The following EDAR variants were observed in gnomAD, a reference collection of about 807,000 sequenced individuals.
EDAR encodes the protein ectodysplasin A receptor.
Under a neutral mutation model 51.3 loss-of-function variants are expected in EDAR, and 38 were observed. The observed-to-expected ratio is 0.74, with a 90% CI of 0.57 to 0.97. EDAR has a LOEUF of 0.97. Among genes scored for constraint, EDAR ranks in the 50% least tolerant of loss-of-function variants. The pLI is 0.00. For missense variants in EDAR, 528 were observed against 595.0 expected (o/e 0.89, Z 1.17); for synonymous variants, 227 against 242.1 (o/e 0.94, Z 0.58).
intron 1 of EDAR, among the ~76,000 whole-genome samples, chr2:108,961,449 C>G (rs1019843659): frequency 2.0e-5 from 3 of 152,186 alleles, no homozygotes; most frequent in Non-Finnish European, 2.9e-5. Context: ...GGACCAGCCA[C>G]CCTCCTTGGC....
At chr2:108,982,905 G>A (rs542876593) in intron 1 of EDAR, among the ~76,000 whole-genome samples, 1 of 152,342 alleles carries the variant, frequency 6.6e-6, no homozygotes, top group Admixed American at 6.5e-5. Flanking sequence ...GACAGGCCAG[G>A]TGCCTGCTGC....
At chr2:108,962,543 C>T (rs966495723) in intron 1 of EDAR, among the ~76,000 whole-genome samples, 23 of 151,814 alleles carry the variant, frequency 1.5e-4, no homozygotes, top group Admixed American at 4.6e-4. Context: ...GGCGTGGTGG[C>T]GGGCGCCTGT....
At chr2:108,916,725 G>T (rs1297163523) in intron 5 of EDAR, among the ~76,000 whole-genome samples, 4 of 152,140 alleles carry the variant, frequency 2.6e-5, no homozygotes, top group Non-Finnish European at 5.9e-5. Flanking sequence ...GGGCAAGATG[G>T]GTGGGATGGT....
intron 1 of EDAR, among the ~76,000 whole-genome samples, chr2:108,941,610 A>G (rs1697598179): frequency 6.6e-6 from 1 of 152,210 alleles, no homozygotes; most frequent in Non-Finnish European, 1.5e-5. Context: ...GAAGGAGAAG[A>G]AAAACGATCT....
chr2:108,972,313 G>A (rs549098369), intron 1 of EDAR, among the ~76,000 whole-genome samples: 31 of 152,348 alleles, frequency 2.0e-4, no homozygotes, highest in African/African-American at 6.5e-4. Flanking sequence ...CCCAGTTCTC[G>A]ACAAGCTTAG....
In EDAR at chr2:108,938,699, G is replaced by A. The variant is rs1697524739; in HGVS notation, c.-18-7667C>T. Among the ~76,000 whole-genome samples the A allele has an allele frequency of 2.0e-5, 3 of 152,072 alleles. No individual in the cohort carries two copies. The South Asian group carries it at 6.2e-4, about 32-fold the overall frequency. ...CTTTTTTGCCTTATCAAAATTGAGG[G>A]AAAGCATTTTCAGGGTGAAATCAGA... is the stretch of plus-strand genomic sequence containing the variant. On this transcript the variant is annotated intron_variant, in intron 1 of 11. Transcript: ENST00000258443.
chr2:108,983,861 G>C (rs72939929), intron 1 of EDAR, among the ~76,000 whole-genome samples: 3,176 of 152,268 alleles, frequency 0.021, 105 homozygotes, highest in East Asian at 0.093. Flanking sequence ...CCATCAGAGA[G>C]CCACTGCGTC....
chr2:108,929,096 C>T, intron 4 of EDAR, 102 bp downstream of exon 4: 1 of 1,353,508 alleles, frequency 7.4e-7, no homozygotes, highest in Non-Finnish European at 1.0e-6. Flanking sequence ...TGCACCGAGG[C>T]CTGCAGTATC....
chr2:108,919,001 G>A (rs1697079176), intron 5 of EDAR, among the ~76,000 whole-genome samples: 1 of 152,168 alleles, frequency 6.6e-6, no homozygotes. Context: ...CTGGGAACCT[G>A]CTAGAAATGC....
rs1002519650 is a variant in EDAR at position 108,912,877 on chromosome 2, T to C, written c.443-113A>G. 1.3e-4 allele frequency: 106 copies of C among 831,634 alleles called. No homozygotes were observed. In the East Asian group the frequency reaches 2.7e-3, roughly 21 times the overall value. The allele number at this position is 831,634 out of a possible 1,614,324, so 51.5% of individuals were successfully genotyped here. On this transcript the variant is annotated intron_variant, in intron 5 of 11. Transcript: ENST00000258443. ...ATCATGAATGGGCCTGAGGCAGTGATGGCTGAGGGGAGCTAAATATTTGTA... is the reference window on the plus strand; with the variant it reads ...ATCATGAATGGGCCTGAGGCAGTGACGGCTGAGGGGAGCTAAATATTTGTA...
intron 9 of EDAR, among the ~76,000 whole-genome samples, chr2:108,908,697 A>T (rs1190592471): frequency 6.6e-6 from 1 of 152,050 alleles, no homozygotes; most frequent in Non-Finnish European, 1.5e-5. Flanking sequence ...TGGAGCTTAA[A>T]CTCTCTTAAA....
chr2:108,913,982 C>T (rs1383112331), intron 5 of EDAR, among the ~76,000 whole-genome samples: 2 of 145,478 alleles, frequency 1.4e-5, no homozygotes, highest in African/African-American at 5.0e-5. Flanking sequence ...GAAAAGGGGC[C>T]GGGCGCGGTA....
intron 10 of EDAR, 22 bp downstream of exon 10, chr2:108,907,838 A>G (rs547747032): frequency 6.2e-7 from 1 of 1,613,172 alleles, no homozygotes; most frequent in African/African-American, 1.3e-5. Context: ...ACAGCTCATC[A>G]TGGCACCTGC....
chr2:108,947,828 T>C (rs2104353629), intron 1 of EDAR, among the ~76,000 whole-genome samples: 1 of 152,330 alleles, frequency 6.6e-6, no homozygotes. Flanking sequence ...AGACATTTCC[T>C]CCACTGTCTT....
intron 11 of EDAR, among the ~76,000 whole-genome samples, chr2:108,902,151 T>A (rs1467564203): frequency 1.3e-5 from 2 of 149,712 alleles, no homozygotes; most frequent in Admixed American, 6.7e-5. Flanking sequence ...GAAAGGAGAA[T>A]CGCTTAAACC....
chr2:108,945,406 C>T (rs1051884874), intron 1 of EDAR, among the ~76,000 whole-genome samples: 2 of 152,130 alleles, frequency 1.3e-5, no homozygotes, highest in Non-Finnish European at 2.9e-5. Flanking sequence ...CTAGAGTATG[C>T]TGGTACTAAA....
rs756294692 is a variant in EDAR, at chr2:108,923,441, C to T, written c.369G>A (p.Leu123=). The T allele has an allele frequency of 8.7e-6, 14 of 1,614,138 alleles. 1 individual carries two copies. In the South Asian group the frequency reaches 1.3e-4, roughly 15 times the overall value. The change falls in exon 5 of 12, where the codon CTG becomes CTA. Residue 123 remains leucine, a synonymous_variant. Coordinates refer to ENST00000258443, the MANE Select transcript of EDAR (RefSeq NM_022336.4). ...CGPCLPGYYM[L]ENRPRNIYGM... ...CATAGATGTTCCTCGGTCTGTTCTC[C>T]AGCATGTAGTAGCTACGGGGGAGAG...
chr2:108,917,028 G>A (rs932715602), intron 5 of EDAR, among the ~76,000 whole-genome samples: 10 of 152,316 alleles, frequency 6.6e-5, no homozygotes, highest in South Asian at 6.2e-4. Flanking sequence ...CTCGGAGCTC[G>A]GCAATAAGGA....
At chr2:108,967,083 C>T (rs1481432518) in intron 1 of EDAR, among the ~76,000 whole-genome samples, 2 of 152,108 alleles carry the variant, frequency 1.3e-5, no homozygotes, top group Admixed American at 6.5e-5. Context: ...TACAGGCACC[C>T]GCTACCATGC....
Sources: gnomAD v4.1 joint callset for allele counts (sites outside exome capture counted in the v4.1 genomes callset) on GRCh38, gnomAD v4.1.1 for gene constraint, MANE v1.5 for transcripts, NCBI Gene and HGNC (gene_info 2026-07-23, HGNC 2026-07-21) for gene names.